FRMD4A: variants seen among roughly 807,000 people sequenced by gnomAD.
FRMD4A encodes the protein FERM domain-containing protein 4A.
A neutral mutation model predicts 129.1 loss-of-function variants in FRMD4A; 29 were observed. The observed-to-expected ratio is 0.22, with a 90% CI of 0.17 to 0.31. FRMD4A has a LOEUF of 0.31. Ranked by LOEUF, FRMD4A falls within the 10% of genes least tolerant of loss-of-function variation. The pLI is 1.00. For missense variants in FRMD4A, 1,272 were observed against 1,375.8 expected, an observed-to-expected ratio of 0.92 and a Z score of 1.19; for synonymous variants, 634 against 571.6, an observed-to-expected ratio of 1.11 and a Z score of -1.56.
chr10:13,801,392 T>C (rs959674391), intron 4 of FRMD4A, among the ~76,000 whole-genome samples: 1 of 152,224 alleles, frequency 6.6e-6, no homozygotes, highest in African/African-American at 2.4e-5. Context: ...TTCCCCTGCT[T>C]GAACTCGTCC....
intron 12 of FRMD4A, among the ~76,000 whole-genome samples, chr10:13,737,617 G>A (rs374250637): frequency 9.2e-5 from 14 of 151,928 alleles, no homozygotes; most frequent in African/African-American, 3.1e-4. Context: ...CTCACCTTAA[G>A]TAATTATAAC....
At chr10:14,111,960 G>A (rs1837929891) in intron 2 of FRMD4A, among the ~76,000 whole-genome samples, 1 of 137,804 alleles carries the variant, frequency 7.3e-6, no homozygotes, top group Admixed American at 7.2e-5. Context: ...AGGGAGAGGA[G>A]GGGAGGGGAG....
intron 2 of FRMD4A, among the ~76,000 whole-genome samples, chr10:14,307,849 T>TC (rs906384604): frequency 6.6e-6 from 1 of 152,202 alleles, no homozygotes; most frequent in African/African-American, 2.4e-5. Context: ...ATGTTTGTAT[T>TC]CACCTTAGAA....
chr10:13,852,556 G>C (rs538900650), intron 3 of FRMD4A, among the ~76,000 whole-genome samples: 16 of 152,206 alleles, frequency 1.1e-4, no homozygotes, highest in Admixed American at 3.3e-4. Flanking sequence ...TATTTAAAAA[G>C]TTTAAAGGTG....
Position 14,209,751 on chromosome 10 carries a change from T to A in FRMD4A, c.45+120307A>T, listed in dbSNP as rs1041345239. 3.3e-4 allele frequency among the ~76,000 whole-genome samples: 46 copies of A among 140,656 alleles called. 2 individuals are homozygous for A. The highest frequency in any genetic ancestry group is 2.4e-3 in the Admixed American group (34 of 14,130). The allele number at this position is 140,656 out of a possible 152,430, so 92.3% of individuals were successfully genotyped here. ...AAAAAAAAAAAATAGCTGGACATGG[T>A]GGTGCATGCCTGCAGTCCCAGCTAA... On this transcript the variant is annotated intron_variant, in intron 2 of 24. Coordinates refer to ENST00000357447, the MANE Select transcript of FRMD4A (RefSeq NM_018027.5).
intron 2 of FRMD4A, among the ~76,000 whole-genome samples, chr10:14,274,718 C>T (rs1845280195): frequency 6.6e-6 from 1 of 152,184 alleles, no homozygotes; most frequent in African/African-American, 2.4e-5. Context: ...CTCTTAGAAA[C>T]ATGATCATTA....
rs80148465 is a variant in FRMD4A, at chr10:14,014,174, A to C, written c.46-155262T>G. On this transcript the variant is annotated intron_variant, in intron 2 of 24. Transcript: ENST00000357447. ...CTGCCCCCAGCTGGGGGATGGGAGA[A>C]ACCGTCGCTTTGATGGAAGTTGGTG... Among the ~76,000 whole-genome samples, 8 of 152,268 alleles carry C rather than the reference A, an allele frequency of 5.3e-5. No homozygotes were observed. The East Asian group carries it at 1.4e-3, about 26-fold the overall frequency.
At chr10:13,982,256 G>A (rs1042529737) in intron 2 of FRMD4A, among the ~76,000 whole-genome samples, 71 of 152,202 alleles carry the variant, frequency 4.7e-4, no homozygotes, top group African/African-American at 1.7e-3. Context: ...GGCCAAGGCA[G>A]GAGGATCACT....
At chr10:13,825,220 T>C (rs2093684354) in intron 3 of FRMD4A, among the ~76,000 whole-genome samples, 1 of 152,216 alleles carries the variant, frequency 6.6e-6, no homozygotes, top group African/African-American at 2.4e-5. Context: ...TTTGAGGCCA[T>C]TATGAAATCA....
intron 2 of FRMD4A, among the ~76,000 whole-genome samples, chr10:14,129,385 TATATATATATATATATATATATAA>T (rs1303173057): frequency 4.2e-4 from 54 of 127,342 alleles, no homozygotes; most frequent in African/African-American, 1.6e-3. Flanking sequence ...TATATATATA[TATATATATATATATATATATATAA>T]AAAATATGAG....
chr10:14,064,190 C>G (rs1834947468), intron 2 of FRMD4A, among the ~76,000 whole-genome samples: 2 of 152,218 alleles, frequency 1.3e-5, no homozygotes, highest in Admixed American at 1.3e-4. Flanking sequence ...CAAAATGTGA[C>G]TCAGAAGCAT....
At chr10:13,661,631 A>G (rs1448438491) in intron 19 of FRMD4A, among the ~76,000 whole-genome samples, 1 of 152,148 alleles carries the variant, frequency 6.6e-6, no homozygotes. Flanking sequence ...CTGTTTTAGA[A>G]CTATTCACCT....
intron 2 of FRMD4A, among the ~76,000 whole-genome samples, chr10:13,962,334 C>T (rs946534869): frequency 4.6e-5 from 7 of 152,040 alleles, no homozygotes; most frequent in Non-Finnish European, 1.0e-4. Context: ...CAGTACTTGC[C>T]CCCCAGGGGT....
chr10:13,841,700 A>T (rs540752214), intron 3 of FRMD4A, among the ~76,000 whole-genome samples: 57 of 152,342 alleles, frequency 3.7e-4, no homozygotes, highest in Non-Finnish European at 7.8e-4. Flanking sequence ...GCCTTATCCA[A>T]TATGTCTCCT....
chr10:13,921,517 T>C (rs957971177), intron 2 of FRMD4A, among the ~76,000 whole-genome samples: 1 of 152,182 alleles, frequency 6.6e-6, no homozygotes, highest in African/African-American at 2.4e-5. Context: ...TGCCTTGGCC[T>C]CCCGAAGTGT....
At chr10:13,771,084 C>A (rs896314606) in intron 6 of FRMD4A, among the ~76,000 whole-genome samples, 5 of 152,042 alleles carry the variant, frequency 3.3e-5, no homozygotes, top group Non-Finnish European at 5.9e-5. Flanking sequence ...ACTTAAACTC[C>A]ATTTTTTTTT....
At chr10:13,918,515 C>T (rs983124575) in intron 2 of FRMD4A, among the ~76,000 whole-genome samples, 4 of 151,984 alleles carry the variant, frequency 2.6e-5, no homozygotes, top group Admixed American at 1.3e-4. Flanking sequence ...ATGTCTGTTA[C>T]GAATATCAGT....
At chr10:13,827,821 AGAG>A (rs2093725813) in intron 3 of FRMD4A, among the ~76,000 whole-genome samples, 1 of 152,114 alleles carries the variant, frequency 6.6e-6, no homozygotes, top group African/African-American at 2.4e-5. Flanking sequence ...GAGGAGTGGG[AGAG>A]GAGGAGGGAG....
rs1833191754 is a variant in FRMD4A at position 14,030,598 on chromosome 10, A to G, written c.46-171686T>C. Among the ~76,000 whole-genome samples the G allele has an allele frequency of 4.6e-5, 7 of 152,332 alleles. No homozygotes were observed. The South Asian group carries it at 1.4e-3, about 32-fold the overall frequency. ...ACAAGCCCTTTTGATGGCCATATAG[A>G]CAACAAGCTGCCTGTCTGGGTCTAG... is the stretch of plus-strand genomic sequence containing the variant. On this transcript the variant is annotated intron_variant, in intron 2 of 24. Transcript: ENST00000357447.
Sources: gnomAD v4.1 joint callset for allele counts (sites outside exome capture counted in the v4.1 genomes callset) on GRCh38, gnomAD v4.1.1 for gene constraint, MANE v1.5 for transcripts, NCBI Gene and HGNC (gene_info 2026-07-23, HGNC 2026-07-21) for gene names.